The following TAOK1 variants were observed in gnomAD, a reference collection of about 807,000 sequenced individuals.
The protein encoded by TAOK1 is serine/threonine-protein kinase TAO1.
TAOK1 carries 21 observed loss-of-function variants against 138.3 expected under a neutral mutation model. That is an observed-to-expected ratio of 0.15 (90% CI 0.11 to 0.22). The LOEUF (loss-of-function observed/expected upper bound fraction) is 0.22. TAOK1 is among the 10% of genes least tolerant of loss of function. The pLI is 1.00. For synonymous variants in TAOK1, 361 were observed against 398.4 expected, an observed-to-expected ratio of 0.91 and a Z score of 1.12; for missense variants, 651 against 1,227.7, an observed-to-expected ratio of 0.53 and a Z score of 7.02.
At chr17:29,542,448 G>A in intron 19 of TAOK1, 113 bp from the exon 20 acceptor site, 1 of 867,598 alleles carries the variant, frequency 1.2e-6, no homozygotes. Flanking sequence ...GAAACTCATG[G>A]ACAAATATAC....
intron 1 of TAOK1, among the ~76,000 whole-genome samples, chr17:29,397,473 C>T (rs892513729): frequency 1.8e-4 from 27 of 151,004 alleles, no homozygotes; most frequent in African/African-American, 6.1e-4. Context: ...CATGGTGGCG[C>T]GCACCTGTAG....
At chr17:29,515,765 G>C (rs1215139323) in intron 15 of TAOK1, among the ~76,000 whole-genome samples, 11 of 151,744 alleles carry the variant, frequency 7.2e-5, no homozygotes, top group Non-Finnish European at 1.5e-5. Flanking sequence ...GAACCCAGGA[G>C]GTGGAGGTTG....
At chr17:29,428,679 G>A (rs997246641) in intron 1 of TAOK1, among the ~76,000 whole-genome samples, 1 of 152,056 alleles carries the variant, frequency 6.6e-6, no homozygotes, top group Non-Finnish European at 1.5e-5. Flanking sequence ...TGTTACTCAG[G>A]CTGGAGTGCA....
At position 29,507,976 on chromosome 17, in the gene TAOK1, A is replaced by G. The variant is rs758488850; in HGVS notation, c.1419A>G (p.Gln473=). Residue 473 remains glutamine (Q), a synonymous_variant, in exon 14 of 20, where the codon CAA becomes CAG. Transcript: ENST00000261716. ...CTGGCTATAAGCGAATGAGGCGACA[A>G]CATCAAAAGCAACTGATGACTCTGG... ...QMSGYKRMRR[Q]HQKQLMTLEN... is the part of the protein sequence containing the mutation. The G allele has an allele frequency of 2.5e-6, 4 of 1,614,026 alleles. No homozygotes were observed. In the African/African-American group the frequency reaches 4.0e-5, roughly 16 times the overall value.
At chr17:29,420,045 A>T (rs1382042054) in intron 1 of TAOK1, among the ~76,000 whole-genome samples, 2 of 140,408 alleles carry the variant, frequency 1.4e-5, no homozygotes, top group African/African-American at 2.6e-5. Flanking sequence ...CACCTGGCTA[A>T]TTTTTTTTTT....
intron 1 of TAOK1, among the ~76,000 whole-genome samples, chr17:29,437,788 C>T (rs1906081556): frequency 7.6e-6 from 1 of 132,070 alleles, no homozygotes; most frequent in African/African-American, 3.1e-5. Context: ...GGCTGTAGTG[C>T]AGTGGTATGA....
At chr17:29,478,439 A>G in intron 6 of TAOK1, 92 bp downstream of exon 6, 1 of 836,472 alleles carries the variant, frequency 1.2e-6, no homozygotes, top group Non-Finnish European at 1.8e-6. Flanking sequence ...TTTATTGGTT[A>G]AAGCCAAATA....
At chr17:29,507,241 A>T (rs1055388804) in intron 13 of TAOK1, among the ~76,000 whole-genome samples, 1 of 150,688 alleles carries the variant, frequency 6.6e-6, no homozygotes, top group African/African-American at 2.4e-5. Flanking sequence ...CTTGTATTTT[A>T]TCTTGATTTT....
At chr17:29,468,798 C>T (rs1359997415) in intron 3 of TAOK1, among the ~76,000 whole-genome samples, 1 of 152,168 alleles carries the variant, frequency 6.6e-6, no homozygotes, top group African/African-American at 2.4e-5. Flanking sequence ...ATCCACCTGC[C>T]TTGGCCTCCC....
intron 10 of TAOK1, among the ~76,000 whole-genome samples, chr17:29,494,756 G>A (rs1441304461): frequency 1.3e-5 from 2 of 149,756 alleles, no homozygotes; most frequent in African/African-American, 4.9e-5. Flanking sequence ...AACCCGGGAG[G>A]CAGAGGTTGC....
chr17:29,400,904 CTTTTTTTTTTTTT>C (rs10539936), intron 1 of TAOK1, among the ~76,000 whole-genome samples: 1 of 105,276 alleles, frequency 9.5e-6, no homozygotes, highest in Non-Finnish European at 1.8e-5. Flanking sequence ...TTGTTTGCCT[CTTTTTTTTTTTTT>C]TTTTTTTTTT....
chr17:29,427,300 C>T (rs1284532565), intron 1 of TAOK1, among the ~76,000 whole-genome samples: 1 of 152,056 alleles, frequency 6.6e-6, no homozygotes, highest in African/African-American at 2.4e-5. Flanking sequence ...TTTAGAAGTG[C>T]TTTAGAGATC....
At chr17:29,518,840 C>G (rs2031866649) in intron 16 of TAOK1, among the ~76,000 whole-genome samples, 1 of 152,004 alleles carries the variant, frequency 6.6e-6, no homozygotes, top group South Asian at 2.1e-4. Context: ...AATCTCGGCT[C>G]ATTGCAACCT....
At chr17:29,467,463 T>TG (rs1220168217) in intron 3 of TAOK1, among the ~76,000 whole-genome samples, 1 of 151,742 alleles carries the variant, frequency 6.6e-6, no homozygotes, top group African/African-American at 2.4e-5. Context: ...TTAGTAGAGA[T>TG]GGGTTTCACC....
intron 3 of TAOK1, among the ~76,000 whole-genome samples, chr17:29,475,003 C>T (rs1051421017): frequency 3.3e-5 from 5 of 152,036 alleles, no homozygotes; most frequent in Non-Finnish European, 7.4e-5. Flanking sequence ...CAGTGTGGCT[C>T]GATCTCGGCT....
chr17:29,432,776 A>G (rs1215705078), intron 1 of TAOK1, among the ~76,000 whole-genome samples: 1 of 147,428 alleles, frequency 6.8e-6, no homozygotes, highest in Non-Finnish European at 1.5e-5. Context: ...CACCTGTCCA[A>G]ATTTTTTTTT....
At chr17:29,405,299 C>T (rs1904961446) in intron 1 of TAOK1, among the ~76,000 whole-genome samples, 1 of 152,136 alleles carries the variant, frequency 6.6e-6, no homozygotes, top group African/African-American at 2.4e-5. Flanking sequence ...AAACAGTGTC[C>T]TTTTAAAAAT....
chr17:29,397,563 A>G (rs1376001389), intron 1 of TAOK1, among the ~76,000 whole-genome samples: 1 of 131,692 alleles, frequency 7.6e-6, no homozygotes, highest in Non-Finnish European at 1.6e-5. Flanking sequence ...AGATCGTGCC[A>G]TTGCACTCCA....
chr17:29,448,060 C>T (rs367959288), intron 1 of TAOK1, among the ~76,000 whole-genome samples: 1 of 142,896 alleles, frequency 7.0e-6, no homozygotes, highest in East Asian at 2.1e-4. Context: ...CTGTGTTCCT[C>T]TCAAGCTTTC....
Sources: allele counts gnomAD v4.1 joint callset (sites outside exome capture counted in the v4.1 genomes callset), GRCh38; gene constraint gnomAD v4.1.1; transcripts MANE v1.5; gene names NCBI Gene and HGNC (gene_info 2026-07-23, HGNC 2026-07-21).